Variants in PPM1M observed in about 807,000 individuals in gnomAD.
PPM1M encodes protein phosphatase 1M.
In PPM1M, 44 loss-of-function variants were observed where a neutral mutation model predicts 50.8. That is an observed-to-expected ratio of 0.87 (90% confidence interval 0.68 to 1.11). The LOEUF (loss-of-function observed/expected upper bound fraction) is 1.11. PPM1M is among the 50% of genes most tolerant of loss of function. The pLI is 0.00. For synonymous variants in PPM1M, 224 were observed against 242.9 expected (o/e 0.92, Z 0.72); for missense variants, 556 against 593.4 (o/e 0.94, Z 0.66).
rs1162415261 is a variant in PPM1M at position 52,245,915 on chromosome 3, T to C, written c.91T>C (p.Tyr31His). ...TGGGCCGCATGCCAGCCCCGTGCCCTACCGACGGCCCCGCTTCCTTCGCGG... is the reference window on the plus strand; with the variant it reads ...TGGGCCGCATGCCAGCCCCGTGCCCCACCGACGGCCCCGCTTCCTTCGCGG... ...PPGPHASPVP[Y>H]RRPRFLRGSS... Residue 31 changes from tyrosine (Y) to histidine (H), a missense_variant, in exon 1 of 10, where the codon TAC becomes CAC. Transcript: ENST00000323588. This position sits in a 1 kb window ranked among gnomAD's most constrained non-coding sequence, Gnocchi z 4.8. The C allele has an allele frequency of 1.6e-6, 2 of 1,231,640 alleles. No individual in the cohort carries two copies. Among genetic ancestry groups the C allele is most frequent in the African/African-American group, 3.3e-5 (2 of 61,110 alleles). The allele number at this position is 1,231,640 out of a possible 1,614,324, so 76.3% of individuals were successfully genotyped here. A position where few individuals can be genotyped will look rare whatever the true frequency, so the allele number is the denominator to read the frequency against.
rs371084629 is a variant in PPM1M, at chr3:52,248,246, C to G, written c.795+9C>G. On this transcript the variant is annotated intron_variant, in intron 5 of 9. Transcript: ENST00000323588. The stretch of plus-strand genomic sequence containing the variant: ...AGCGGATCCAGCAGCTGGTAGGTGC[C>G]CTTGGCAGCATGGAGGCTGTGAAGC... The G allele has an allele frequency of 3.1e-6, 5 of 1,612,274 alleles. No individual in the cohort carries two copies. The highest frequency in any genetic ancestry group is 4.2e-6 in the Non-Finnish European group (5 of 1,179,158).
In PPM1M at chr3:52,248,136, T is replaced by TTC. The variant is rs758935461; in HGVS notation, c.711-12_711-11dup. On this transcript the variant is annotated splice_polypyrimidine_tract_variant and intron_variant, in intron 4 of 9. Coordinates refer to ENST00000323588, the MANE Select transcript of PPM1M (RefSeq NM_144641.4). ...GGAGGCCTCCTCCTAGACCTCTCCC[T>TTC]TCTCTCCTCAATCCAGGGCCATCTT... The TTC allele has an allele frequency of 1.5e-5, 24 of 1,600,680 alleles. No homozygotes were observed. The South Asian group carries it at 2.6e-4, about 17-fold the overall frequency.
intron 3 of PPM1M, 140 bp downstream of exon 3, chr3:52,247,368 T>C (rs1699877860): frequency 8.0e-7 from 1 of 1,243,810 alleles, no homozygotes; most frequent in Non-Finnish European, 1.1e-6. Flanking sequence ...GGATTGTTAC[T>C]AACAGCCATC....
In PPM1M at chr3:52,247,758, A is replaced by G. The variant is rs372405809; in HGVS notation, c.674A>G (p.Gln225Arg). 34 of 1,411,038 alleles carry G rather than the reference A, an allele frequency of 2.4e-5. No homozygotes were observed. The African/African-American group carries it at 4.6e-4, about 19-fold the overall frequency. 87.4% of individuals were successfully genotyped at this position (1,411,038 alleles called of 1,614,324 possible). ...GCTALVAVSL[Q>R]GKLYMANAGD... ...ACAGCCCTGGTGGCTGTGTCCCTGCAGGGAAAGCTGTACATGGCCAATGCT... is the reference window on the plus strand; with the variant it reads ...ACAGCCCTGGTGGCTGTGTCCCTGCGGGGAAAGCTGTACATGGCCAATGCT... The change falls in exon 4 of 10, where the codon CAG (glutamine) becomes CGG (arginine). Residue 225 changes from glutamine (Q) to arginine (R), a missense_variant. By Grantham distance (43) the Gln-to-Arg change is conservative. Transcript: ENST00000323588.
rs150283611 is a variant in PPM1M at position 52,247,030 on chromosome 3, C to T, written c.399C>T (p.Ala133=). ...ATGGGCACGGCGGTCCTGCAGCAGC[C>T]ATCTTGGCTGCCAACACCCTGCACT... ...LFDGHGGPAA[A]ILAANTLHSC... The change falls in exon 3 of 10, where the codon GCC becomes GCT. Residue 133 remains alanine, a synonymous_variant. Coordinates refer to ENST00000323588, the MANE Select transcript of PPM1M (RefSeq NM_144641.4). The T allele has an allele frequency of 1.4e-4, 225 of 1,551,802 alleles. 1 individual carries two copies. In the East Asian group the frequency reaches 3.4e-3, roughly 24 times the overall value.
chr3:52,247,864 A>G, intron 4 of PPM1M, 70 bp downstream of exon 4: 1 of 1,016,252 alleles, frequency 9.8e-7, no homozygotes, highest in Non-Finnish European at 1.5e-6. Flanking sequence ...GGACAAGCAA[A>G]GGTGGCTGGA....
chr3:52,246,717 G>A lies in PPM1M; in HGVS notation c.247G>A (p.Glu83Lys), dbSNP rs1247129774. 1 of 1,311,500 alleles carries A rather than the reference G, an allele frequency of 7.6e-7. No homozygotes were observed. The highest frequency in any genetic ancestry group is 1.0e-6 in the Non-Finnish European group (1 of 993,832). The allele number at this position is 1,311,500 out of a possible 1,614,324, so 81.2% of individuals were successfully genotyped here. Residue 83 changes from glutamate (E) to lysine (K), a missense_variant, in exon 2 of 10, where the codon GAA becomes AAA. Transcript: ENST00000323588. The stretch of plus-strand genomic sequence containing the variant: ...CAGGATTATCAATGCAGAGAAATCT[G>A]AATTCAATGAGGATCAAGCCGCCTG... ...YAEIINAEKS[E>K]FNEDQAACGK...
At chr3:52,247,861 CA>C in intron 4 of PPM1M, 67 bp downstream of exon 4, 1 of 1,035,548 alleles carries the variant, frequency 9.7e-7, no homozygotes, top group Non-Finnish European at 1.5e-6. Flanking sequence ...TGGGGACAAG[CA>C]AAGGTGGCTG....
At chr3:52,247,850 A>C in intron 4 of PPM1M, 56 bp downstream of exon 4, 2 of 1,103,018 alleles carry the variant, frequency 1.8e-6, no homozygotes, top group Non-Finnish European at 2.7e-6. Context: ...ATAAGCAGCA[A>C]TGGGGACAAG....
chr3:52,247,410 C>A, intron 3 of PPM1M, 182 bp downstream of exon 3: 1 of 906,338 alleles, frequency 1.1e-6, no homozygotes, highest in Non-Finnish European at 1.6e-6. Context: ...ATTTATCCAG[C>A]ACCTACTGTG....
Position 52,249,980 on chromosome 3 carries a change from G to C in PPM1M, c.*166G>C. Reference sequence around the variant, plus strand: ...CATCTCAAGAGGAACATTTATACCAGGCAGTCAGAGCTGGAAGTGTATGGA... The same window carrying C: ...CATCTCAAGAGGAACATTTATACCACGCAGTCAGAGCTGGAAGTGTATGGA... On this transcript the variant is annotated 3_prime_UTR_variant, in exon 10 of 10. Coordinates refer to ENST00000323588, the MANE Select transcript of PPM1M (RefSeq NM_144641.4). 2.9e-5 allele frequency: 19 copies of C among 648,420 alleles called. No homozygotes were observed. The South Asian group carries it at 3.5e-4, about 12-fold the overall frequency. The allele number at this position is 648,420 out of a possible 1,614,324, so 40.2% of individuals were successfully genotyped here. A position where few individuals can be genotyped will look rare whatever the true frequency, so the allele number is the denominator to read the frequency against.
chr3:52,246,662 C>G, intron 1 of PPM1M, 33 bp from the exon 2 acceptor site: 2 of 1,270,028 alleles, frequency 1.6e-6, no homozygotes, highest in Non-Finnish European at 2.1e-6. Context: ...TAGGTGTGTC[C>G]CTGGAGGGTC....
At position 52,250,136 on chromosome 3, in the gene PPM1M, G is replaced by C. The variant is rs187995788; in HGVS notation, c.*322G>C. On this transcript the variant is annotated 3_prime_UTR_variant, in exon 10 of 10. Transcript: ENST00000323588. ...TGAACAGCCCAAAGTATCATTCTCA[G>C]ATAGGGGCACCCAAGCTAAGGGTAT... 2 of 268,228 alleles carry C rather than the reference G, an allele frequency of 7.5e-6. No individual in the cohort carries two copies. Among genetic ancestry groups the C allele is most frequent in the East Asian group, 1.2e-4 (2 of 16,102 alleles). 16.6% of individuals were successfully genotyped at this position (268,228 alleles called of 1,614,324 possible). A position where few individuals can be genotyped will look rare whatever the true frequency, so the allele number is the denominator to read the frequency against.
chr3:52,247,916 G>T, intron 4 of PPM1M, 122 bp downstream of exon 4: 2 of 770,432 alleles, frequency 2.6e-6, no homozygotes, highest in Non-Finnish European at 4.4e-6. Flanking sequence ...TGAATTGTGT[G>T]TGTACTTGTT....
chr3:52,248,895 C>A lies in PPM1M; in HGVS notation c.979-61C>A. 2.9e-6 allele frequency: 4 copies of A among 1,364,940 alleles called. No individual in the cohort carries two copies. In the South Asian group the frequency reaches 3.6e-5, roughly 12 times the overall value. The allele number at this position is 1,364,940 out of a possible 1,614,324, so 84.6% of individuals were successfully genotyped here. ...CCCTGTGTGCTCTGCAGTGCTAGGG[C>A]CTGGTACTTGTGCATTTGCTGGAGC... On this transcript the variant is annotated intron_variant, in intron 7 of 9. Coordinates refer to ENST00000323588, the MANE Select transcript of PPM1M (RefSeq NM_144641.4).
intron 3 of PPM1M, 67 bp from the exon 4 acceptor site, chr3:52,247,615 G>A: frequency 9.5e-7 from 1 of 1,056,900 alleles, no homozygotes; most frequent in Non-Finnish European, 1.4e-6. Context: ...GGTAGGGTGG[G>A]GATTGAGAGA....
intron 6 of PPM1M, 56 bp from the exon 7 acceptor site, chr3:52,248,581 G>T: frequency 6.2e-7 from 1 of 1,605,338 alleles, no homozygotes; most frequent in Non-Finnish European, 8.5e-7. Flanking sequence ...CCCTGAGTTG[G>T]GGAAAGATGA....
At position 52,249,726 on chromosome 3, in the gene PPM1M, TCA is replaced by T. The variant is rs1359350206; in HGVS notation, c.1295_1296del (p.Thr432ArgfsTer9). ...AGCACACAGGGAAAGGAAGACAGTC[TCA>T]CAGAGGAAGGGCAGGTGTCCTACGA... On this transcript the variant is annotated frameshift_variant, in exon 10 of 10. Coordinates refer to ENST00000323588, the MANE Select transcript of PPM1M (RefSeq NM_144641.4). LOFTEE classifies it high-confidence loss of function. 1 of 1,613,906 alleles carries T rather than the reference TCA, an allele frequency of 6.2e-7. No individual in the cohort carries two copies. Among genetic ancestry groups the T allele is most frequent in the Non-Finnish European group, 8.5e-7 (1 of 1,179,852 alleles).
chr3:52,246,304 C>T, intron 1 of PPM1M: 1 of 1,034,136 alleles, frequency 9.7e-7, no homozygotes, highest in African/African-American at 1.7e-5. Context: ...AAGATGAGGC[C>T]CAGAGACTCG....
Sources: allele counts gnomAD v4.1 joint callset, GRCh38; gene constraint gnomAD v4.1.1; non-coding constraint Gnocchi (gnomAD v3.1); transcripts MANE v1.5; gene names NCBI Gene and HGNC (gene_info 2026-07-23, HGNC 2026-07-21).